KIF26B: variants seen among roughly 807,000 people sequenced by gnomAD.
KIF26B encodes kinesin family member 26B.
In KIF26B, 63 loss-of-function variants were observed where a neutral mutation model predicts 151.2. The ratio of observed to expected loss-of-function variants is 0.42; its 90% CI spans 0.34 to 0.51. KIF26B has a LOEUF of 0.51. KIF26B is among the 20% of genes least tolerant of loss of function. KIF26B has a pLI of 0.07. For synonymous variants in KIF26B, 1,357 were observed against 1,262.1 expected, an observed-to-expected ratio of 1.08 and a Z score of -1.59; for missense variants, 2,813 against 2,913.6, an observed-to-expected ratio of 0.97 and a Z score of 0.79.
intron 5 of KIF26B, among the ~76,000 whole-genome samples, chr1:245,556,336 C>T (rs1662034477): frequency 7.2e-6 from 1 of 139,392 alleles, no homozygotes. Flanking sequence ...CTCCTTCTTC[C>T]TCCTTCCTCC....
intron 4 of KIF26B, among the ~76,000 whole-genome samples, chr1:245,429,885 G>A (rs949526349): frequency 2.0e-5 from 3 of 152,202 alleles, no homozygotes; most frequent in African/African-American, 7.2e-5. Context: ...AAAGTGCTGG[G>A]ATTACAAGCA....
intron 4 of KIF26B, among the ~76,000 whole-genome samples, chr1:245,425,421 TTTTGA>T (rs1277520888): frequency 6.6e-6 from 1 of 152,226 alleles, no homozygotes; most frequent in African/African-American, 2.4e-5. Context: ...TTTTTGTTTT[TTTTGA>T]GATGGAGTCT....
Position 245,155,418 on chromosome 1 carries a change from A to C in KIF26B, c.-7A>C. On this transcript the variant is annotated 5_prime_UTR_variant, in exon 1 of 15. Transcript: ENST00000407071. ...ACCTTTAGATACTCTCCTCTGGAAA[A>C]GCCACCATGAATTCGGTAGCTGGGA... 1 of 1,608,970 alleles carries C rather than the reference A, an allele frequency of 6.2e-7. No individual in the cohort carries two copies. Among genetic ancestry groups the C allele is most frequent in the Non-Finnish European group, 8.5e-7 (1 of 1,177,424 alleles).
chr1:245,376,735 T>C (rs1673285077), intron 3 of KIF26B, among the ~76,000 whole-genome samples: 1 of 152,232 alleles, frequency 6.6e-6, no homozygotes, highest in Non-Finnish European at 1.5e-5. Context: ...TCACCCAGGC[T>C]GGAGTGCAGC....
intron 2 of KIF26B, among the ~76,000 whole-genome samples, chr1:245,224,669 T>C (rs1197470078): frequency 6.6e-6 from 1 of 152,250 alleles, no homozygotes; most frequent in Non-Finnish European, 1.5e-5. Context: ...TGACATATGA[T>C]TTAAAAACAT....
chr1:245,494,200 G>A (rs897557952), intron 4 of KIF26B, among the ~76,000 whole-genome samples: 4 of 152,128 alleles, frequency 2.6e-5, no homozygotes, highest in Admixed American at 1.3e-4. Flanking sequence ...CAGATACTCG[G>A]GAGACTGAGG....
At chr1:245,382,780 C>G (rs1673442974) in intron 3 of KIF26B, among the ~76,000 whole-genome samples, 1 of 151,904 alleles carries the variant, frequency 6.6e-6, no homozygotes, top group African/African-American at 2.4e-5. Flanking sequence ...GTTGGTCAGG[C>G]TGGTCTTGAA....
rs542450880 is a variant in KIF26B, at chr1:245,383,592, GC to G, written c.999+16228del. Among the ~76,000 whole-genome samples, 88 of 152,262 alleles carry G rather than the reference GC, an allele frequency of 5.8e-4. 1 individual carries two copies. Among genetic ancestry groups the G allele is most frequent in the Admixed American group, 2.0e-3 (30 of 15,296 alleles). ...TTAACTGCTGCTATTAGGCTAGGTG[GC>G]CCACTCTCTCCACCCTGTTCAAACA... On this transcript the variant is annotated intron_variant, in intron 3 of 14. Coordinates refer to ENST00000407071, the MANE Select transcript of KIF26B (RefSeq NM_018012.4).
intron 3 of KIF26B, among the ~76,000 whole-genome samples, chr1:245,372,578 T>C (rs965669515): frequency 3.3e-5 from 5 of 152,226 alleles, no homozygotes; most frequent in Admixed American, 6.5e-5. Context: ...AGCCATGTGT[T>C]ACAGCCTTCA....
chr1:245,288,938 T>C (rs1398134572), intron 2 of KIF26B, among the ~76,000 whole-genome samples: 1 of 19,460 alleles, frequency 5.1e-5, no homozygotes, highest in Non-Finnish European at 8.0e-5. Context: ...AACTGTTTGT[T>C]TTTTTTTAAA....
chr1:245,515,412 G>C (rs187212884), intron 4 of KIF26B, among the ~76,000 whole-genome samples: 2 of 152,146 alleles, frequency 1.3e-5, no homozygotes, highest in East Asian at 1.9e-4. Context: ...TGTCAAGACC[G>C]GGCAGCACTC....
chr1:245,496,597 TTAATC>T (rs72400698), intron 4 of KIF26B, among the ~76,000 whole-genome samples: 4,851 of 152,138 alleles, frequency 0.032, 128 homozygotes, highest in Non-Finnish European at 0.05. Context: ...AAATACTTGA[TTAATC>T]TAAAATAATT....
intron 2 of KIF26B, among the ~76,000 whole-genome samples, chr1:245,362,436 G>A (rs1672845104): frequency 6.6e-6 from 1 of 151,506 alleles, no homozygotes; most frequent in South Asian, 2.1e-4. Flanking sequence ...TACTCAGGAG[G>A]CTGAGGCAGG....
chr1:245,686,120 G>A lies in KIF26B; in HGVS notation c.3137G>A (p.Ser1046Asn), dbSNP rs1195936314. Residue 1046 changes from serine (S) to asparagine (N), a missense_variant, in exon 12 of 15, where the codon AGC becomes AAC. Coordinates refer to ENST00000407071, the MANE Select transcript of KIF26B (RefSeq NM_018012.4). The surrounding 1 kb of genome is among the most constrained non-coding windows in gnomAD (Gnocchi z 5.6). ...PLVQSPSLQS[S>N]RESLNSCGFV... The stretch of plus-strand genomic sequence containing the variant: ...GTGCAGAGCCCCAGCCTCCAGAGCA[G>A]CCGGGAGAGCCTCAACTCCTGCGGC... 1 of 1,610,804 alleles carries A rather than the reference G, an allele frequency of 6.2e-7. No individual in the cohort carries two copies. Among genetic ancestry groups the A allele is most frequent in the South Asian group, 1.1e-5 (1 of 90,848 alleles).
At chr1:245,408,602 G>C (rs1008473251) in intron 3 of KIF26B, among the ~76,000 whole-genome samples, 3 of 152,026 alleles carry the variant, frequency 2.0e-5, no homozygotes, top group Non-Finnish European at 4.4e-5. Flanking sequence ...TGATCCACCC[G>C]CCTCGGCCTC....
intron 2 of KIF26B, among the ~76,000 whole-genome samples, chr1:245,308,012 C>T (rs1671591650): frequency 6.6e-6 from 1 of 152,190 alleles, no homozygotes; most frequent in African/African-American, 2.4e-5. Context: ...CAATTGTTAA[C>T]TCTTGAGACC....
chr1:245,454,353 G>A (rs1659465614), intron 4 of KIF26B, among the ~76,000 whole-genome samples: 1 of 152,188 alleles, frequency 6.6e-6, no homozygotes, highest in Non-Finnish European at 1.5e-5. Context: ...ATCCAGGGAG[G>A]TAAATGCAAA....
chr1:245,521,879 G>A (rs558425190), intron 4 of KIF26B, among the ~76,000 whole-genome samples: 20 of 150,336 alleles, frequency 1.3e-4, no homozygotes, highest in African/African-American at 4.9e-4. Flanking sequence ...CTTTTTTTTT[G>A]TTTTGAGATG....
intron 10 of KIF26B, among the ~76,000 whole-genome samples, chr1:245,670,285 C>G (rs1348157295): frequency 7.3e-6 from 1 of 136,532 alleles, no homozygotes; most frequent in Non-Finnish European, 1.6e-5. Flanking sequence ...TATATATGCA[C>G]ACACACACAC....
Sources: allele counts gnomAD v4.1 joint callset (sites outside exome capture counted in the v4.1 genomes callset), GRCh38; gene constraint gnomAD v4.1.1; non-coding constraint Gnocchi (gnomAD v3.1); transcripts MANE v1.5; gene names NCBI Gene and HGNC (gene_info 2026-07-23, HGNC 2026-07-21).